The following PTPRQ variants were observed in gnomAD, a reference collection of about 807,000 sequenced individuals.
The protein encoded by PTPRQ is phosphatidylinositol phosphatase PTPRQ.
In PTPRQ, 199 loss-of-function variants were observed where a neutral mutation model predicts 246.0. The observed-to-expected ratio is 0.81, with a 90% CI of 0.72 to 0.91. The LOEUF is 0.91. Ranked by LOEUF, PTPRQ falls within the 40% of genes least tolerant of loss-of-function variation. The pLI, the probability that PTPRQ is intolerant of heterozygous loss-of-function variation, is 0.00. For missense variants in PTPRQ, 2,624 were observed against 2,528.4 expected, an observed-to-expected ratio of 1.04 and a Z score of -0.81; for synonymous variants, 869 against 853.2, an observed-to-expected ratio of 1.02 and a Z score of -0.32.
At chr12:80,548,888 G>A (rs1896385944) in intron 24 of PTPRQ, among the ~76,000 whole-genome samples, 1 of 152,002 alleles carries the variant, frequency 6.6e-6, no homozygotes, top group Admixed American at 6.6e-5. Flanking sequence ...ATTCAGAGAA[G>A]CTCTAGAAAA....
Position 80,491,039 on chromosome 12 carries a change from A to G in PTPRQ, c.1360-2236A>G, listed in dbSNP as rs1592576257. On this transcript the variant is annotated intron_variant, in intron 9 of 44. Transcript: ENST00000644991. ...TGCCCAAGTTATGGAGGGTTTTTCT[A>G]ATGTCAGAATATCAGAATTTGAGAG... Among the ~76,000 whole-genome samples, 3 of 151,872 alleles carry G rather than the reference A, an allele frequency of 2.0e-5. No individual in the cohort carries two copies. The East Asian group carries it at 5.8e-4, about 29-fold the overall frequency.
intron 18 of PTPRQ, 45 bp downstream of exon 18, chr12:80,534,220 T>TA (rs562159043): frequency 1.4e-3 from 1,808 of 1,287,206 alleles, no homozygotes; most frequent in South Asian, 3.8e-3. Context: ...TCTTTTTCTT[T>TA]AAAAAAAAAA....
intron 14 of PTPRQ, among the ~76,000 whole-genome samples, chr12:80,500,785 C>T (rs1592587954): frequency 6.6e-6 from 1 of 152,046 alleles, no homozygotes; most frequent in East Asian, 1.9e-4. Context: ...AAACAAGACA[C>T]AATAAATCTC....
chr12:80,676,173 A>G (rs936997490), intron 43 of PTPRQ, among the ~76,000 whole-genome samples: 4 of 152,156 alleles, frequency 2.6e-5, no homozygotes, highest in Admixed American at 2.6e-4. Flanking sequence ...TGCCTTGCAC[A>G]ACAGCAGTTT....
intron 25 of PTPRQ, 47 bp downstream of exon 25, chr12:80,549,781 G>T (rs1296247798): frequency 6.7e-7 from 1 of 1,491,174 alleles, no homozygotes; most frequent in African/African-American, 1.4e-5. Flanking sequence ...TTAACTATTT[G>T]GGGATTGTGT....
intron 9 of PTPRQ, among the ~76,000 whole-genome samples, chr12:80,490,997 G>T (rs1204294436): frequency 6.6e-6 from 1 of 151,930 alleles, no homozygotes; most frequent in African/African-American, 2.4e-5. Flanking sequence ...TTGTTACAAA[G>T]CCAATGTTCA....
In PTPRQ at chr12:80,478,891, T is replaced by G. The variant is rs1191518900; in HGVS notation, c.1187-5542T>G. Among the ~76,000 whole-genome samples the G allele has an allele frequency of 2.6e-5, 4 of 152,176 alleles. No individual in the cohort carries two copies. The East Asian group carries it at 7.7e-4, about 29-fold the overall frequency. ...TGGGACTATGTGAAAAGACCAAATC[T>G]ACGTCTGATTGGTGTACCTGAAAGT... On this transcript the variant is annotated intron_variant, in intron 8 of 44. Coordinates refer to ENST00000644991, the MANE Select transcript of PTPRQ (RefSeq NM_001145026.2).
chr12:80,605,549 G>A (rs1424735855), intron 27 of PTPRQ, among the ~76,000 whole-genome samples: 1 of 151,136 alleles, frequency 6.6e-6, no homozygotes, highest in African/African-American at 2.4e-5. Flanking sequence ...CTGGTTTACA[G>A]TACGGTAGAA....
At chr12:80,460,447 G>T (rs1395660243) in intron 5 of PTPRQ, among the ~76,000 whole-genome samples, 6 of 152,082 alleles carry the variant, frequency 3.9e-5, no homozygotes, top group Non-Finnish European at 8.8e-5. Flanking sequence ...AAAGGTTAAG[G>T]TATAAGGAAT....
At chr12:80,502,006 A>G (rs1225409926) in intron 14 of PTPRQ, among the ~76,000 whole-genome samples, 1 of 152,004 alleles carries the variant, frequency 6.6e-6, no homozygotes, top group Non-Finnish European at 1.5e-5. Flanking sequence ...AGTGGAGAGT[A>G]GACTTCAGTA....
At chr12:80,657,912 T>G in intron 38 of PTPRQ, 73 bp from the exon 39 acceptor site, 11 of 1,121,448 alleles carry the variant, frequency 9.8e-6, no homozygotes, top group Non-Finnish European at 1.3e-5. Context: ...CTCCTTTGTA[T>G]TACTTTTATA....
chr12:80,506,565 T>C lies in PTPRQ; in HGVS notation c.2456-4T>C. The C allele has an allele frequency of 6.6e-7, 1 of 1,518,512 alleles. No homozygotes were observed. Among genetic ancestry groups the C allele is most frequent in the Non-Finnish European group, 8.9e-7 (1 of 1,124,646 alleles). The allele number at this position is 1,518,512 out of a possible 1,614,324, so 94.1% of individuals were successfully genotyped here. A position where few individuals can be genotyped will look rare whatever the true frequency, so the allele number is the denominator to read the frequency against. On this transcript the variant is annotated splice_region_variant and splice_polypyrimidine_tract_variant and intron_variant, in intron 15 of 44. Transcript: ENST00000644991. The stretch of plus-strand genomic sequence containing the variant: ...TTCAACTTACCTATTTGATTTCTCT[T>C]TAGTACTGAAGAAATATACCCAATA...
intron 39 of PTPRQ, among the ~76,000 whole-genome samples, chr12:80,662,260 A>G (rs1051332254): frequency 1.3e-5 from 2 of 151,972 alleles, no homozygotes. Flanking sequence ...AATTCACTGG[A>G]TATAACTGAA....
chr12:80,454,524 G>GTAGA, intron 3 of PTPRQ: 1 of 702,452 alleles, frequency 1.4e-6, no homozygotes, highest in South Asian at 1.5e-5. Flanking sequence ...ATTGGTGAGA[G>GTAGA]TAGACATCCT....
In PTPRQ at chr12:80,605,080, A is replaced by G; in HGVS notation, c.4631A>G (p.Asn1544Ser). ...ATAGCTCCAGATGGTCCTCCTGAAA[A>G]TGTTCATGTAGTAGCAACATCACCT... is the stretch of plus-strand genomic sequence containing the variant. The part of the protein sequence containing the change: ...LPGPPDGPPE[N>S]VHVVATSPFS... Residue 1544 changes from asparagine to serine, a missense_variant, in exon 27 of 45, where the codon AAT becomes AGT. Physicochemically the swap from Asn to Ser is conservative, Grantham distance 46. Transcript: ENST00000644991. 6.5e-7 allele frequency: 1 copy of G among 1,542,662 alleles called. No homozygotes were observed. The highest frequency in any genetic ancestry group is 1.2e-5 in the South Asian group (1 of 82,666).
intron 17 of PTPRQ, among the ~76,000 whole-genome samples, chr12:80,531,307 T>C (rs1895837087): frequency 6.6e-6 from 1 of 152,148 alleles, no homozygotes; most frequent in Non-Finnish European, 1.5e-5. Flanking sequence ...ACATATGCTT[T>C]TTTATAAATG....
chr12:80,476,015 C>G (rs1893798828), intron 8 of PTPRQ, among the ~76,000 whole-genome samples: 2 of 150,844 alleles, frequency 1.3e-5, no homozygotes, highest in African/African-American at 4.9e-5. Context: ...GGTTTAGTTG[C>G]CTGATTAATA....
intron 33 of PTPRQ, among the ~76,000 whole-genome samples, chr12:80,626,499 A>G (rs1409330918): frequency 6.6e-6 from 1 of 152,202 alleles, no homozygotes; most frequent in Non-Finnish European, 1.5e-5. Flanking sequence ...GGGGTTTTAC[A>G]TATAAACTCA....
At chr12:80,641,878 T>G (rs1007003478) in intron 35 of PTPRQ, among the ~76,000 whole-genome samples, 1 of 152,034 alleles carries the variant, frequency 6.6e-6, no homozygotes, top group South Asian at 2.1e-4. Context: ...TCTCTCTCTC[T>G]CTCTTGCTCT....
Sources: allele counts gnomAD v4.1 joint callset (sites outside exome capture counted in the v4.1 genomes callset), GRCh38; gene constraint gnomAD v4.1.1; transcripts MANE v1.5; gene names NCBI Gene and HGNC (gene_info 2026-07-23, HGNC 2026-07-21).